Variants in PPP4R1 observed in about 807,000 individuals in gnomAD.
The protein encoded by PPP4R1 is serine/threonine-protein phosphatase 4 regulatory subunit 1.
PPP4R1 carries 42 observed loss-of-function variants against 111.2 expected under a neutral mutation model. The ratio of observed to expected loss-of-function variants is 0.38; its 90% confidence interval spans 0.29 to 0.49. The LOEUF is 0.49. PPP4R1 is among the 20% of genes least tolerant of loss of function. The probability of loss-of-function intolerance (pLI) is 0.97; values close to 1 mark genes in which losing one functional copy is unlikely to be tolerated. For synonymous variants in PPP4R1, 409 were observed against 405.5 expected (o/e 1.01, Z -0.10); for missense variants, 1,012 against 1,161.6 (o/e 0.87, Z 1.87).
intron 2 of PPP4R1, among the ~76,000 whole-genome samples, chr18:9,598,992 C>A (rs1457743521): frequency 6.6e-6 from 1 of 151,678 alleles, no homozygotes; most frequent in African/African-American, 2.4e-5. Flanking sequence ...CACCACTGCA[C>A]CCCAGTCTGG....
At chr18:9,586,576 CTGAG>C (rs3974280) in intron 6 of PPP4R1, among the ~76,000 whole-genome samples, 17,683 of 152,082 alleles carry the variant, frequency 0.12, 1,240 homozygotes, top group Middle Eastern at 0.23. Context: ...TAACTGGTAA[CTGAG>C]TATCTAAAAA....
At chr18:9,603,714 G>A (rs1311360143) in intron 2 of PPP4R1, among the ~76,000 whole-genome samples, 1 of 152,062 alleles carries the variant, frequency 6.6e-6, no homozygotes, top group Non-Finnish European at 1.5e-5. Flanking sequence ...CAAACTCCTA[G>A]GCTCAAGGGA....
chr18:9,614,206 C>T lies in PPP4R1; in HGVS notation c.52+20G>A. 4 of 1,356,140 alleles carry T rather than the reference C, an allele frequency of 2.9e-6. No homozygotes were observed. The highest frequency in any genetic ancestry group is 3.8e-6 in the Non-Finnish European group (4 of 1,040,676). 84.0% of individuals were successfully genotyped at this position (1,356,140 alleles called of 1,614,324 possible). ...CGCTCCCCGCGGACTGCCAGGCCAC[C>T]GCGAGGCCGGGCCACTCACATCCGT... On this transcript the variant is annotated intron_variant, in intron 2 of 19. Coordinates refer to ENST00000400556, the MANE Select transcript of PPP4R1 (RefSeq NM_001042388.3). The surrounding 1 kb of genome is among the most constrained non-coding windows in gnomAD (Gnocchi z 4.1).
chr18:9,609,691 C>T (rs2067545068), intron 2 of PPP4R1, among the ~76,000 whole-genome samples: 1 of 152,208 alleles, frequency 6.6e-6, no homozygotes, highest in Non-Finnish European at 1.5e-5. Flanking sequence ...TACCCAAGCT[C>T]CATCCTCTCT....
intron 9 of PPP4R1, among the ~76,000 whole-genome samples, chr18:9,580,839 T>C (rs777313606): frequency 1.9e-4 from 29 of 152,138 alleles, no homozygotes; most frequent in Non-Finnish European, 3.7e-4. Context: ...CACCCTCCTT[T>C]GGGTGTGGCA....
At chr18:9,564,966 C>T (rs1448169013) in intron 11 of PPP4R1, among the ~76,000 whole-genome samples, 1 of 152,098 alleles carries the variant, frequency 6.6e-6, no homozygotes, top group Non-Finnish European at 1.5e-5. Context: ...GCCTCAGCCT[C>T]CTGAGTGGCT....
upstream of PPP4R1, among the ~76,000 whole-genome samples, chr18:9,616,394 C>T (rs2145405315): frequency 6.6e-6 from 1 of 152,220 alleles, no homozygotes; most frequent in South Asian, 2.1e-4. Context: ...TCTCAGCCTC[C>T]CAAGTAACTG....
Position 9,570,455 on chromosome 18 carries a change from T to C in PPP4R1, c.1275A>G (p.Lys425=). The change falls in exon 11 of 20, where the codon AAA becomes AAG. Residue 425 remains lysine (K), a synonymous_variant. Coordinates refer to ENST00000400556, the MANE Select transcript of PPP4R1 (RefSeq NM_001042388.3). ...ACATAGATTTGTAGTTACCAGGTTT[T>C]TTATCATTCTCATTACTAGCTGCTT... ...HQEAASNEND[K]KPGNYKSMLR... is the part of the protein sequence containing the mutation. The C allele has an allele frequency of 1.9e-6, 3 of 1,614,220 alleles. No individual in the cohort carries two copies. Among genetic ancestry groups the C allele is most frequent in the Non-Finnish European group, 1.7e-6 (2 of 1,180,030 alleles).
At chr18:9,590,666 TTG>T (rs1314941059) in intron 4 of PPP4R1, among the ~76,000 whole-genome samples, 1 of 152,034 alleles carries the variant, frequency 6.6e-6, no homozygotes, top group African/African-American at 2.4e-5. Flanking sequence ...GTCTTCCCAG[TTG>T]TGTCAACTGG....
intron 15 of PPP4R1, 116 bp from the exon 16 acceptor site, chr18:9,553,538 T>C (rs1456269699): frequency 3.0e-6 from 2 of 663,776 alleles, no homozygotes; most frequent in South Asian, 1.9e-5. Context: ...AGAGGAAATG[T>C]AGTAGCTGTA....
At chr18:9,587,038 C>G (rs1444132390) in intron 6 of PPP4R1, among the ~76,000 whole-genome samples, 1 of 152,152 alleles carries the variant, frequency 6.6e-6, no homozygotes, top group Non-Finnish European at 1.5e-5. Context: ...GGGAAATGTA[C>G]TTGCCTGACC....
intron 2 of PPP4R1, chr18:9,599,583 A>G (rs1239893063): frequency 6.6e-6 from 1 of 152,216 alleles, no homozygotes; most frequent in East Asian, 1.9e-4. Flanking sequence ...CTAACCATGA[A>G]CATAATTATA....
rs1304972803 is a variant in PPP4R1, at chr18:9,555,989, C to CA, written c.2190+1231dup. Among the ~76,000 whole-genome samples, 53 of 75,168 alleles carry CA rather than the reference C, an allele frequency of 7.1e-4. 2 individuals carry two copies. The East Asian group carries it at 9.6e-3, about 14-fold the overall frequency. 49.3% of individuals were successfully genotyped at this position (75,168 alleles called of 152,430 possible). A position where few individuals can be genotyped will look rare whatever the true frequency, so the allele number is the denominator to read the frequency against. On this transcript the variant is annotated intron_variant, in intron 15 of 19. Coordinates refer to ENST00000400556, the MANE Select transcript of PPP4R1 (RefSeq NM_001042388.3). ...ATCTCTACTAAAACAAACAAACAAA[C>CA]AAACAAACAAAAAAACACAAAATCG...
At chr18:9,594,481 A>G (rs2067260928) in intron 3 of PPP4R1, among the ~76,000 whole-genome samples, 1 of 152,172 alleles carries the variant, frequency 6.6e-6, no homozygotes, top group African/African-American at 2.4e-5. Context: ...ACACTCATTC[A>G]TTATACAAAA....
At chr18:9,592,738 A>G (rs16955297) in intron 4 of PPP4R1, among the ~76,000 whole-genome samples, 23,628 of 151,984 alleles carry the variant, frequency 0.16, 2,470 homozygotes, top group African/African-American at 0.29. Flanking sequence ...ATCCTTAAAG[A>G]GTATCTGTCT....
intron 2 of PPP4R1, among the ~76,000 whole-genome samples, chr18:9,604,393 C>A (rs2067443555): frequency 6.6e-6 from 1 of 152,118 alleles, no homozygotes. Context: ...CCCTGATAAG[C>A]CTCCCAGGCA....
chr18:9,587,932 G>C (rs2067147447), intron 6 of PPP4R1, 157 bp downstream of exon 6: 1 of 860,094 alleles, frequency 1.2e-6, no homozygotes, highest in Non-Finnish European at 1.7e-6. Context: ...GCCCAGGCTG[G>C]TCTCCAACTC....
rs550790905 is a variant in PPP4R1 at position 9,588,622 on chromosome 18, A to C, written c.438+89T>G. ...ATATTCATTTTTGAAAAACAGTAAA[A>C]CATTCCAAAGAGAACACTTAGGCTC... On this transcript the variant is annotated intron_variant, in intron 5 of 19. Coordinates refer to ENST00000400556, the MANE Select transcript of PPP4R1 (RefSeq NM_001042388.3). The C allele has an allele frequency of 1.0e-5, 13 of 1,298,234 alleles. No individual in the cohort carries two copies. In the Admixed American group the frequency reaches 1.7e-4, roughly 17 times the overall value. 80.4% of individuals were successfully genotyped at this position (1,298,234 alleles called of 1,614,324 possible).
In PPP4R1 at chr18:9,583,163, T is replaced by C; in HGVS notation, c.872A>G (p.Lys291Arg). 1.2e-6 allele frequency: 2 copies of C among 1,611,768 alleles called. No individual in the cohort carries two copies. Among genetic ancestry groups the C allele is most frequent in the Non-Finnish European group, 8.5e-7 (1 of 1,178,346 alleles). The change falls in exon 9 of 20, where the codon AAA becomes AGA. Residue 291 changes from lysine (K) to arginine (R), a missense_variant. Lys to Arg is a conservative substitution (Grantham distance 26, BLOSUM62 2). Transcript: ENST00000400556. ...CAAATTAATAAAAAGTGCTGATAAT[T>C]TGGTCCGTCGGATTTCTTGACATGT... ...CATCQEIRRTKLSALFINLIS... is the reference protein window; with the variant it reads ...CATCQEIRRTRLSALFINLIS...
Sources: allele counts gnomAD v4.1 joint callset (sites outside exome capture counted in the v4.1 genomes callset), GRCh38; gene constraint gnomAD v4.1.1; non-coding constraint Gnocchi (gnomAD v3.1); transcripts MANE v1.5; gene names NCBI Gene and HGNC (gene_info 2026-07-23, HGNC 2026-07-21).